Variants in CHCHD3 observed in about 807,000 individuals in gnomAD.
CHCHD3 encodes the protein coiled-coil-helix-coiled-coil-helix domain containing 3.
Under a neutral mutation model 38.2 loss-of-function variants are expected in CHCHD3, and 20 were observed. That is an observed-to-expected ratio of 0.52 (90% CI 0.37 to 0.76). The LOEUF is 0.76. Ranked by LOEUF, CHCHD3 falls within the 30% of genes least tolerant of loss-of-function variation. CHCHD3 has a pLI of 0.00. For synonymous variants in CHCHD3, 82 were observed against 100.0 expected (o/e 0.82, Z 1.07); for missense variants, 245 against 279.2 (o/e 0.88, Z 0.87).
At chr7:132,890,991 A>G (rs192726082) in intron 4 of CHCHD3, among the ~76,000 whole-genome samples, 1 of 152,356 alleles carries the variant, frequency 6.6e-6, no homozygotes, top group East Asian at 1.9e-4. Flanking sequence ...CGAACCTAAG[A>G]AAATTATATG....
intron 7 of CHCHD3, 67 bp downstream of exon 7, chr7:132,796,375 C>T (rs1306215836): frequency 6.3e-7 from 1 of 1,588,200 alleles, no homozygotes; most frequent in Non-Finnish European, 8.6e-7. Flanking sequence ...TTAGTCCTTA[C>T]CACTGCCCCA....
At chr7:132,787,627 C>T (rs1806351638) in intron 7 of CHCHD3, among the ~76,000 whole-genome samples, 1 of 151,922 alleles carries the variant, frequency 6.6e-6, no homozygotes, top group African/African-American at 2.4e-5. Flanking sequence ...TCTCTAGACA[C>T]AACAATTTAG....
At chr7:133,047,759 T>G (rs1366256136) in intron 2 of CHCHD3, among the ~76,000 whole-genome samples, 1 of 152,058 alleles carries the variant, frequency 6.6e-6, no homozygotes, top group Non-Finnish European at 1.5e-5. Context: ...ATCCCAAAAG[T>G]CAGACAGTGG....
chr7:132,976,074 G>T (rs868180957), intron 3 of CHCHD3, among the ~76,000 whole-genome samples: 8 of 152,304 alleles, frequency 5.3e-5, no homozygotes, highest in Middle Eastern at 3.4e-3. Context: ...AGATGGACAG[G>T]TCACTGTCAT....
intron 4 of CHCHD3, among the ~76,000 whole-genome samples, chr7:132,971,689 G>A (rs1490766924): frequency 4.6e-5 from 7 of 152,170 alleles, no homozygotes; most frequent in African/African-American, 1.7e-4. Context: ...ATCAGCTCCC[G>A]TGCTTTCACC....
chr7:132,958,846 T>C (rs1043833910), intron 4 of CHCHD3, among the ~76,000 whole-genome samples: 6 of 152,220 alleles, frequency 3.9e-5, no homozygotes, highest in Non-Finnish European at 8.8e-5. Flanking sequence ...TTAGGTCTTA[T>C]GAAATTTCCA....
chr7:132,833,656 T>G (rs983069141), intron 6 of CHCHD3, among the ~76,000 whole-genome samples: 5 of 152,184 alleles, frequency 3.3e-5, no homozygotes, highest in African/African-American at 1.2e-4. Context: ...ATGAATGATG[T>G]GTGGATAAAG....
At chr7:133,001,902 T>C (rs1340462849) in intron 3 of CHCHD3, among the ~76,000 whole-genome samples, 1 of 152,206 alleles carries the variant, frequency 6.6e-6, no homozygotes, top group African/African-American at 2.4e-5. Flanking sequence ...TACTAAGAAC[T>C]GTACCTGGAA....
chr7:132,923,743 C>T (rs1048216238), intron 4 of CHCHD3, among the ~76,000 whole-genome samples: 4 of 152,170 alleles, frequency 2.6e-5, no homozygotes, highest in Non-Finnish European at 5.9e-5. Context: ...GACCCCACCA[C>T]CAATCTGATT....
At chr7:132,962,331 C>G (rs1186496051) in intron 4 of CHCHD3, among the ~76,000 whole-genome samples, 1 of 152,076 alleles carries the variant, frequency 6.6e-6, no homozygotes, top group Non-Finnish European at 1.5e-5. Context: ...TATAGAACTT[C>G]GAATTCTGTA....
intron 4 of CHCHD3, among the ~76,000 whole-genome samples, chr7:132,955,051 C>T (rs894727523): frequency 2.0e-5 from 3 of 152,164 alleles, no homozygotes; most frequent in African/African-American, 4.8e-5. Flanking sequence ...GAAGAGTCAG[C>T]GTAGGCCCTT....
chr7:132,950,723 A>C (rs74879110), intron 4 of CHCHD3, among the ~76,000 whole-genome samples: 91 of 152,182 alleles, frequency 6.0e-4, no homozygotes, highest in African/African-American at 2.1e-3. Context: ...CCCAGATAGC[A>C]CATTAAATGC....
chr7:133,012,815 G>A (rs1415316596), intron 3 of CHCHD3, among the ~76,000 whole-genome samples: 2 of 125,604 alleles, frequency 1.6e-5, no homozygotes, highest in South Asian at 3.2e-4. Flanking sequence ...GGGAAGAGAG[G>A]GGAGGGGAAG....
chr7:133,033,996 C>T (rs1813577159), intron 2 of CHCHD3, among the ~76,000 whole-genome samples: 1 of 152,164 alleles, frequency 6.6e-6, no homozygotes, highest in African/African-American at 2.4e-5. Context: ...CAGATTAAAA[C>T]TCATCTACCC....
chr7:132,847,666 C>A (rs1233322716), intron 5 of CHCHD3, among the ~76,000 whole-genome samples: 1 of 152,326 alleles, frequency 6.6e-6, no homozygotes, highest in Admixed American at 6.5e-5. Context: ...TGCACAGATA[C>A]ACATTATTGC....
At chr7:132,799,502 A>G (rs1806726908) in intron 6 of CHCHD3, among the ~76,000 whole-genome samples, 1 of 152,224 alleles carries the variant, frequency 6.6e-6, no homozygotes. Flanking sequence ...ATACCTAGGA[A>G]GGAAAATTAA....
rs1178291829 is a variant in CHCHD3, at chr7:132,925,524, G to A, written c.370-39779C>T. Among the ~76,000 whole-genome samples, 4 of 152,164 alleles carry A rather than the reference G, an allele frequency of 2.6e-5. No homozygotes were observed. The South Asian group carries it at 6.2e-4, about 24-fold the overall frequency. Reference sequence around the variant, plus strand: ...TAAATGCTTTATTTACACGGGACACGGGTCCCCATCCCCACTTCATCCCCA... The same window carrying A: ...TAAATGCTTTATTTACACGGGACACAGGTCCCCATCCCCACTTCATCCCCA... On this transcript the variant is annotated intron_variant, in intron 4 of 7. Coordinates refer to ENST00000262570, the MANE Select transcript of CHCHD3 (RefSeq NM_017812.4).
At chr7:132,815,774 G>T in intron 6 of CHCHD3, 1 of 299,032 alleles carries the variant, frequency 3.3e-6, no homozygotes, top group Non-Finnish European at 6.6e-6. Flanking sequence ...TCCTATTTCT[G>T]GTTTACGCAC....
chr7:132,843,035 T>C (rs146326591), intron 5 of CHCHD3, among the ~76,000 whole-genome samples: 2,548 of 152,266 alleles, frequency 0.017, 275 homozygotes, highest in Admixed American at 0.16. Flanking sequence ...TAGATTTCTT[T>C]CGTTTTTGTT....
Sources: gnomAD v4.1 joint callset for allele counts (sites outside exome capture counted in the v4.1 genomes callset) on GRCh38, gnomAD v4.1.1 for gene constraint, MANE v1.5 for transcripts, NCBI Gene and HGNC (gene_info 2026-07-23, HGNC 2026-07-21) for gene names.